Variants in MAPT observed in about 807,000 individuals in gnomAD.
MAPT encodes the protein microtubule associated protein tau, also known as microtubule-associated protein tau.
In MAPT, 34 loss-of-function variants were observed where a neutral mutation model predicts 67.9. That is an observed-to-expected ratio of 0.50 (90% CI 0.38 to 0.67). MAPT has a LOEUF of 0.67. Among genes scored for constraint, MAPT ranks in the 30% least tolerant of loss-of-function variants. The pLI, the probability that MAPT is intolerant of heterozygous loss-of-function variation, is 0.00. For missense variants in MAPT, 881 were observed against 1,115.2 expected, an observed-to-expected ratio of 0.79 and a Z score of 2.99; for synonymous variants, 456 against 464.5, an observed-to-expected ratio of 0.98 and a Z score of 0.23.
chr17:45,941,649 C>CCCTTCCCT (rs1568207061), intron 1 of MAPT, among the ~76,000 whole-genome samples: 1 of 66,864 alleles, frequency 1.5e-5, no homozygotes, highest in Non-Finnish European at 2.9e-5. Flanking sequence ...CCTCCTTCCC[C>CCCTTCCCT]CCTTCCACCC....
At position 45,971,873 on chromosome 17, in the gene MAPT, AC is replaced by A; in HGVS notation, c.153del (p.Thr52LeufsTer42). On this transcript the variant is annotated frameshift_variant, in exon 3 of 13. Transcript: ENST00000262410. LOFTEE classifies it high-confidence loss of function. This position sits in a 1 kb window ranked among gnomAD's most constrained non-coding sequence, Gnocchi z 4.3. The stretch of plus-strand genomic sequence containing the variant: ...ATGTGTTCCAGAATCTCCCCTGCAG[AC>A]CCCCACTGAGGACGGATCTGAGGAA... Reference protein sequence around the residue: ...DAGLKESPLQTPTEDGSEEPG... With the variant: ...DAGLKESPLQXPTEDGSEEPG... The A allele has an allele frequency of 6.2e-7, 1 of 1,613,476 alleles. No homozygotes were observed. The highest frequency in any genetic ancestry group is 8.5e-7 in the Non-Finnish European group (1 of 1,179,658).
At chr17:45,965,647 C>T (rs2070994790) in intron 2 of MAPT, among the ~76,000 whole-genome samples, 1 of 151,780 alleles carries the variant, frequency 6.6e-6, no homozygotes, top group Admixed American at 6.6e-5. Context: ...GACTCCTGAC[C>T]TCAGGTAATC....
chr17:45,950,137 C>T (rs1193020075), intron 1 of MAPT, among the ~76,000 whole-genome samples: 1 of 152,120 alleles, frequency 6.6e-6, no homozygotes, highest in Non-Finnish European at 1.5e-5. Context: ...CTCTCAGGTC[C>T]TTTACCCACC....
At chr17:45,993,883 G>C in intron 8 of MAPT, 1 of 1,549,676 alleles carries the variant, frequency 6.5e-7, no homozygotes, top group South Asian at 1.2e-5. Context: ...CCCTGTTTAA[G>C]CCTGATGATA....
chr17:45,904,170 TTATA>T (rs574315253), intron 1 of MAPT, among the ~76,000 whole-genome samples: 6,694 of 33,706 alleles, frequency 0.2, 1,140 homozygotes, highest in South Asian at 0.37. Flanking sequence ...TTATATATAT[TTATA>T]TATATAATAT....
intron 1 of MAPT, among the ~76,000 whole-genome samples, chr17:45,955,560 A>G (rs1016540829): frequency 6.6e-6 from 1 of 152,146 alleles, no homozygotes; most frequent in Non-Finnish European, 1.5e-5. Flanking sequence ...GGTTTACCCC[A>G]TCGCCACAGA....
At chr17:45,937,042 A>T (rs2067397068) in intron 1 of MAPT, among the ~76,000 whole-genome samples, 1 of 152,176 alleles carries the variant, frequency 6.6e-6, no homozygotes. Context: ...CAGAGTCTGC[A>T]AATATGTATG....
At chr17:45,926,966 T>TACACAC (rs1399219740) in intron 1 of MAPT, among the ~76,000 whole-genome samples, 2 of 150,652 alleles carry the variant, frequency 1.3e-5, no homozygotes, top group Non-Finnish European at 3.0e-5. Flanking sequence ...TGTATATATA[T>TACACAC]ACATATATGT....
intron 1 of MAPT, among the ~76,000 whole-genome samples, chr17:45,928,073 T>G (rs2066523643): frequency 6.7e-6 from 1 of 149,802 alleles, no homozygotes. Flanking sequence ...AACATGTCCC[T>G]GTTACTGGAA....
Position 46,026,305 on chromosome 17 carries a change from C to T in MAPT, c.*2134C>T, listed in dbSNP as rs751195328. On this transcript the variant is annotated 3_prime_UTR_variant, in exon 13 of 13. Coordinates refer to ENST00000262410, the MANE Select transcript of MAPT (RefSeq NM_001377265.1). ...AGCTAAGGAGGCCGTTCAGCTGTGA[C>T]GAAGGCCTGAAGCACAGGATTAGGA... 2.0e-5 allele frequency: 3 copies of T among 152,610 alleles called. No homozygotes were observed. The highest frequency in any genetic ancestry group is 4.4e-5 in the Non-Finnish European group (3 of 68,090). The allele number at this position is 152,610 out of a possible 1,614,324, so 9.5% of individuals were successfully genotyped here. A position where few individuals can be genotyped will look rare whatever the true frequency, so the allele number is the denominator to read the frequency against.
At chr17:45,924,957 G>A (rs1283022377) in intron 1 of MAPT, among the ~76,000 whole-genome samples, 7 of 152,158 alleles carry the variant, frequency 4.6e-5, no homozygotes. Flanking sequence ...TTGTGGGGAA[G>A]GGAGGACTAT....
chr17:45,962,610 G>C, intron 2 of MAPT, 140 bp downstream of exon 2: 1 of 1,188,958 alleles, frequency 8.4e-7, no homozygotes, highest in Non-Finnish European at 1.2e-6. Context: ...TCATTAATTT[G>C]AGTGGGCCAA....
chr17:45,946,566 T>G (rs1598091028), intron 1 of MAPT, among the ~76,000 whole-genome samples: 1 of 129,104 alleles, frequency 7.7e-6, no homozygotes, highest in Non-Finnish European at 1.6e-5. Flanking sequence ...ACCACCACAC[T>G]CCAGCCTGGG....
At chr17:45,992,589 G>A (rs894150182) in intron 8 of MAPT, among the ~76,000 whole-genome samples, 6 of 152,112 alleles carry the variant, frequency 3.9e-5, no homozygotes, top group Non-Finnish European at 7.4e-5. Context: ...AGCCAGGAGT[G>A]CTATTAAGAA....
chr17:45,984,590 C>G (rs1006985760), intron 5 of MAPT, among the ~76,000 whole-genome samples: 1 of 152,254 alleles, frequency 6.6e-6, no homozygotes, highest in Non-Finnish European at 1.5e-5. Context: ...GGCCCAGTGC[C>G]CTGCCCCCAC....
At position 45,971,660 on chromosome 17, in the gene MAPT, GGT is replaced by G. The variant is rs1214031936; in HGVS notation, c.134-195_134-194del. ...ACCTGTGTCCTCATCTGATGGCCCT[GGT>G]GTGGGGCACAGTCGTGTTGGCAGGG... is the stretch of plus-strand genomic sequence containing the variant. On this transcript the variant is annotated intron_variant, in intron 2 of 12. Transcript: ENST00000262410. This position sits in a 1 kb window ranked among gnomAD's most constrained non-coding sequence, Gnocchi z 4.3. Among the ~76,000 whole-genome samples, 1 of 152,178 alleles carries G rather than the reference GGT, an allele frequency of 6.6e-6. No individual in the cohort carries two copies. The highest frequency in any genetic ancestry group is 1.9e-4 in the East Asian group (1 of 5,192).
At chr17:45,940,974 G>T (rs906485058) in intron 1 of MAPT, among the ~76,000 whole-genome samples, 16 of 152,118 alleles carry the variant, frequency 1.1e-4, no homozygotes, top group African/African-American at 3.4e-4. Flanking sequence ...CAGTGATGAG[G>T]GTTGAGCCAA....
chr17:45,913,388 G>A (rs1008035178), intron 1 of MAPT, among the ~76,000 whole-genome samples: 4 of 152,322 alleles, frequency 2.6e-5, no homozygotes, highest in South Asian at 2.1e-4. Flanking sequence ...CAACATGTGG[G>A]AATTCAAGAT....
intron 1 of MAPT, 119 bp from the exon 2 acceptor site, chr17:45,962,202 G>A: frequency 1.2e-6 from 1 of 807,372 alleles, no homozygotes; most frequent in South Asian, 1.6e-5. Context: ...GTTAGAGAGG[G>A]TAGCAGGGAG....
Sources: gnomAD v4.1 joint callset for allele counts (sites outside exome capture counted in the v4.1 genomes callset) on GRCh38, gnomAD v4.1.1 for gene constraint, Gnocchi (gnomAD v3.1) non-coding constraint, MANE v1.5 for transcripts, NCBI Gene and HGNC (gene_info 2026-07-23, HGNC 2026-07-21) for gene names.